The following GALC variants were observed in gnomAD, a reference collection of about 807,000 sequenced individuals.
GALC encodes the protein galactosylceramidase.
GALC carries 77 observed loss-of-function variants against 91.8 expected under a neutral mutation model. That is an observed-to-expected ratio of 0.84 (90% CI 0.70 to 1.01). The LOEUF (loss-of-function observed/expected upper bound fraction) is 1.01. Among genes scored for constraint, GALC ranks in the 50% least tolerant of loss-of-function variants. The pLI is 0.00. For synonymous variants in GALC, 357 were observed against 306.7 expected, an observed-to-expected ratio of 1.16 and a Z score of -1.71; for missense variants, 882 against 855.9, an observed-to-expected ratio of 1.03 and a Z score of -0.38.
At chr14:87,970,180 T>A (rs1427936418) in intron 7 of GALC, among the ~76,000 whole-genome samples, 1 of 152,202 alleles carries the variant, frequency 6.6e-6, no homozygotes. Context: ...CAGCCAAATG[T>A]TAATTTTTAA....
chr14:87,955,988 T>TAA (rs537861698), intron 10 of GALC, among the ~76,000 whole-genome samples: 1 of 148,052 alleles, frequency 6.8e-6, no homozygotes, highest in African/African-American at 2.5e-5. Flanking sequence ...AGTGACAGTT[T>TAA]AAAAAAAAAA....
chr14:87,952,548 A>T (rs1885355881), intron 10 of GALC: 1 of 867,158 alleles, frequency 1.2e-6, no homozygotes, highest in Non-Finnish European at 1.9e-6. Context: ...ACTAAAAATG[A>T]CAGTATCACA....
chr14:87,950,822 A>G, intron 10 of GALC, 74 bp from the exon 11 acceptor site: 2 of 834,970 alleles, frequency 2.4e-6, no homozygotes, highest in Non-Finnish European at 4.1e-6. Flanking sequence ...TTCAACAGTT[A>G]ATGCCCAAGA....
chr14:87,967,471 A>G (rs1318378226), intron 8 of GALC, among the ~76,000 whole-genome samples: 3 of 152,182 alleles, frequency 2.0e-5, no homozygotes, highest in African/African-American at 7.2e-5. Flanking sequence ...AATACAATAT[A>G]CAGCAACCCA....
intron 16 of GALC, among the ~76,000 whole-genome samples, chr14:87,938,864 GAGCAT>G (rs1371565234): frequency 2.6e-5 from 4 of 151,844 alleles, no homozygotes; most frequent in Admixed American, 2.6e-4. Flanking sequence ...CATGAAGGAA[GAGCAT>G]AGTTGTGACG....
chr14:87,986,517 C>T lies in GALC; in HGVS notation c.414G>A (p.Lys138=), dbSNP rs977080847. The part of the protein sequence containing the change: ...GYEWWLMKEA[K]KRNPNITLIG... The stretch of plus-strand genomic sequence containing the variant: ...TGAGTGTAATATTGGGATTCCTCTT[C>T]TTAGCTTCTTTCATCAACCACCACT... The change falls in exon 4 of 17, where the codon AAG becomes AAA. Residue 138 remains lysine (K), a synonymous_variant. Coordinates refer to ENST00000261304, the MANE Select transcript of GALC (RefSeq NM_000153.4). 1.9e-6 allele frequency: 3 copies of T among 1,610,662 alleles called. No homozygotes were observed. The highest frequency in any genetic ancestry group is 3.3e-4 in the Middle Eastern group (2 of 6,052).
In GALC at chr14:87,963,505, G is replaced by A. The variant is rs771203702; in HGVS notation, c.1040C>T (p.Thr347Ile). ...VESPVWVSAH[T>I]TQFTQPGWYY... ...CCAGCCAGGTTGAGTAAACTGAGTG[G>A]TATGAGCTATAGAAAAACAGAAAGT... Residue 347 changes from threonine (T) to isoleucine (I), a missense_variant, in exon 10 of 17, where the codon ACC becomes ATC. Coordinates refer to ENST00000261304, the MANE Select transcript of GALC (RefSeq NM_000153.4). 2 of 1,611,992 alleles carry A rather than the reference G, an allele frequency of 1.2e-6. No homozygotes were observed. Among genetic ancestry groups the A allele is most frequent in the Non-Finnish European group, 1.7e-6 (2 of 1,178,624 alleles).
At chr14:87,982,313 G>C in intron 5 of GALC, 70 bp from the exon 6 acceptor site, 2 of 1,006,114 alleles carry the variant, frequency 2.0e-6, no homozygotes, top group Non-Finnish European at 1.6e-6. Context: ...TTATCGTTAC[G>C]ATACCATTTC....
intron 3 of GALC, chr14:87,987,770 C>A: frequency 6.0e-6 from 1 of 165,612 alleles, no homozygotes; most frequent in Non-Finnish European, 1.3e-5. Flanking sequence ...TCATTTTTAC[C>A]ACATATTTTA....
At chr14:87,953,144 T>TAAGCA in intron 10 of GALC, 1 of 1,471,096 alleles carries the variant, frequency 6.8e-7, no homozygotes, top group East Asian at 2.3e-5. Flanking sequence ...ACACAGTAGA[T>TAAGCA]AAGCCAAGGT....
Position 87,934,807 on chromosome 14 carries a change from A to T in GALC, c.1983T>A (p.Asn661Lys). 1 of 1,613,190 alleles carries T rather than the reference A, an allele frequency of 6.2e-7. No homozygotes were observed. Among genetic ancestry groups the T allele is most frequent in the Non-Finnish European group, 8.5e-7 (1 of 1,179,416 alleles). The part of the protein sequence containing the change: ...WTDIPVNFPK[N>K]GWAAIGTHSF... ...AGTGAGTTCCAATTGCAGCCCAGCC[A>T]TTCTTTGGAAAATTCACAGGGATGT... is the stretch of plus-strand genomic sequence containing the variant. The change falls in exon 17 of 17, where the codon AAT (asparagine) becomes AAA (lysine). Residue 661 changes from asparagine (N) to lysine (K), a missense_variant. Transcript: ENST00000261304.
chr14:87,936,773 A>G (rs1235433688), intron 16 of GALC, among the ~76,000 whole-genome samples: 1 of 151,380 alleles, frequency 6.6e-6, no homozygotes, highest in Non-Finnish European at 1.5e-5. Context: ...GAGGTGGAAT[A>G]ACTTGCTAGA....
At chr14:87,974,115 T>C (rs1335730835) in intron 7 of GALC, among the ~76,000 whole-genome samples, 1 of 152,234 alleles carries the variant, frequency 6.6e-6, no homozygotes. Flanking sequence ...ACATCAGTTA[T>C]ATTTAAAAAT....
intron 7 of GALC, among the ~76,000 whole-genome samples, chr14:87,973,368 T>C (rs1389958572): frequency 2.2e-5 from 3 of 134,926 alleles, no homozygotes; most frequent in Admixed American, 8.1e-5. Flanking sequence ...TTAAAAGAAA[T>C]AGTAATTAAA....
At chr14:87,950,856 G>C in intron 10 of GALC, 108 bp from the exon 11 acceptor site, 2 of 668,742 alleles carry the variant, frequency 3.0e-6, no homozygotes, top group Non-Finnish European at 5.4e-6. Flanking sequence ...ACATATACTA[G>C]ATAACAAATA....
Position 87,945,665 on chromosome 14 carries a change from T to C in GALC, c.1558A>G (p.Ile520Val). 1 of 1,612,314 alleles carries C rather than the reference T, an allele frequency of 6.2e-7. No individual in the cohort carries two copies. Among genetic ancestry groups the C allele is most frequent in the African/African-American group, 1.3e-5 (1 of 74,936 alleles). ...AAGTGATGCTCGCCAGGGTCTTCAATATTTGTAAAATATTCAAATACACCA... is the reference window on the plus strand; with the variant it reads ...AAGTGATGCTCGCCAGGGTCTTCAACATTTGTAAAATATTCAAATACACCA... ...QTGVFEYFTN[I>V]EDPGEHHFTL... Residue 520 changes from isoleucine to valine, a missense_variant, in exon 14 of 17, where the codon ATT becomes GTT. Ile to Val is a conservative substitution (Grantham distance 29). Coordinates refer to ENST00000261304, the MANE Select transcript of GALC (RefSeq NM_000153.4).
At position 87,947,620 on chromosome 14, in the gene GALC, A is replaced by T. The variant is rs1885123814; in HGVS notation, c.1489+108T>A. 5 of 1,036,304 alleles carry T rather than the reference A, an allele frequency of 4.8e-6. No homozygotes were observed. The South Asian group carries it at 6.3e-5, about 13-fold the overall frequency. 64.2% of individuals were successfully genotyped at this position (1,036,304 alleles called of 1,614,324 possible). ...GCATATGAGATGTAGGAGGTAAATG[A>T]ATGTGCTTTTGACAGCCACTCCATC... On this transcript the variant is annotated intron_variant, in intron 13 of 16. Transcript: ENST00000261304.
In GALC at chr14:87,992,936, C is replaced by A. The variant is rs143228205; in HGVS notation, c.195+34G>T. 0.14 allele frequency: 212,017 copies of A among 1,496,058 alleles called. 16,244 individuals are homozygous for A. The highest frequency in any genetic ancestry group is 0.16 in the Non-Finnish European group (175,624 of 1,129,720). 92.7% of individuals were successfully genotyped at this position (1,496,058 alleles called of 1,614,324 possible). On this transcript the variant is annotated intron_variant, in intron 1 of 16. Coordinates refer to ENST00000261304, the MANE Select transcript of GALC (RefSeq NM_000153.4). The stretch of plus-strand genomic sequence containing the variant: ...CTGGCCCCACGGGGCGGGCTCTTGC[C>A]GCCCCCCGCGTATCCCCGCAGCTTG...
At chr14:87,986,843 T>C in intron 3 of GALC, 1 of 521,850 alleles carries the variant, frequency 1.9e-6, no homozygotes, top group Non-Finnish European at 3.5e-6. Context: ...CAACCTTCTA[T>C]TACAAGCAGT....
Sources: allele counts gnomAD v4.1 joint callset (sites outside exome capture counted in the v4.1 genomes callset), GRCh38; gene constraint gnomAD v4.1.1; transcripts MANE v1.5; gene names NCBI Gene and HGNC (gene_info 2026-07-23, HGNC 2026-07-21).